Variants in DNAH14 observed in about 807,000 individuals in gnomAD.
The protein encoded by DNAH14 is dynein axonemal heavy chain 14, also known as axonemal beta dynein heavy chain 14.
A neutral mutation model predicts 520.9 loss-of-function variants in DNAH14; 478 were observed. The observed-to-expected ratio is 0.92, with a 90% CI of 0.85 to 0.99. The LOEUF (loss-of-function observed/expected upper bound fraction) is 0.99. DNAH14 is among the 50% of genes least tolerant of loss of function. The pLI, the probability that DNAH14 is intolerant of heterozygous loss-of-function variation, is 0.00. For missense variants in DNAH14, 4,831 were observed against 5,234.5 expected (o/e 0.92, Z 2.38); for synonymous variants, 1,581 against 1,757.2 (o/e 0.90, Z 2.51).
chr1:225,358,984 G>A (rs1327335297), intron 74 of DNAH14, among the ~76,000 whole-genome samples: 2 of 152,200 alleles, frequency 1.3e-5, no homozygotes, highest in African/African-American at 2.4e-5. Flanking sequence ...AGAACTGCGA[G>A]CGAATTAAAC....
chr1:225,335,435 A>G (rs199997690), intron 66 of DNAH14, among the ~76,000 whole-genome samples: 7 of 87,480 alleles, frequency 8.0e-5, no homozygotes, highest in East Asian at 1.1e-3. Flanking sequence ...ACGTGTGTAC[A>G]TGTGTGTGTA....
chr1:225,398,614 T>C lies in DNAH14; in HGVS notation c.13586T>C (p.Leu4529Pro), dbSNP rs1238462406. 1.9e-6 allele frequency: 3 copies of C among 1,551,672 alleles called. No homozygotes were observed. The highest frequency in any genetic ancestry group is 2.6e-6 in the Non-Finnish European group (3 of 1,147,016). The change falls in exon 85 of 86, where the codon CTG becomes CCG. Residue 4529 changes from leucine to proline, a missense_variant. Leu to Pro is a moderately conservative substitution (Grantham distance 98). Coordinates refer to ENST00000682510, the MANE Select transcript of DNAH14 (RefSeq NM_001367479.1). ...NREQKILEDS[L>P]PLEMCCDFPD... ...GAACAGAAAATACTGGAAGACTCGC[T>C]GCCTCTGGAGATGTGCTGTGATTTT...
chr1:225,030,255 G>T (rs189046805), intron 11 of DNAH14, among the ~76,000 whole-genome samples: 49 of 151,882 alleles, frequency 3.2e-4, no homozygotes, highest in African/African-American at 1.2e-3. Flanking sequence ...GGCAGCAAAG[G>T]CAGTGCTTAG....
intron 27 of DNAH14, among the ~76,000 whole-genome samples, chr1:225,130,792 C>T (rs1322352109): frequency 6.7e-6 from 1 of 148,324 alleles, no homozygotes; most frequent in Non-Finnish European, 1.5e-5. Context: ...GCACATTGTG[C>T]ACATGTACCC....
At chr1:225,250,695 A>G in intron 43 of DNAH14, 1 of 552,538 alleles carries the variant, frequency 1.8e-6, no homozygotes. Flanking sequence ...AGACGGAGAA[A>G]GGGGAACTGT....
intron 17 of DNAH14, among the ~76,000 whole-genome samples, chr1:225,058,976 GT>G (rs1252467725): frequency 1.3e-5 from 2 of 152,158 alleles, no homozygotes; most frequent in Non-Finnish European, 2.9e-5. Flanking sequence ...TTGAATAGGT[GT>G]GGTGCTGAGA....
chr1:224,999,739 T>A (rs1474492316), intron 8 of DNAH14, among the ~76,000 whole-genome samples: 1 of 152,094 alleles, frequency 6.6e-6, no homozygotes, highest in East Asian at 1.9e-4. Flanking sequence ...TTGTGTAGCT[T>A]TTTTAGTGGT....
intron 72 of DNAH14, among the ~76,000 whole-genome samples, chr1:225,352,314 C>T (rs77126547): frequency 0.041 from 6,276 of 152,138 alleles, 186 homozygotes; most frequent in Middle Eastern, 0.075. Flanking sequence ...CTCCGTTTTT[C>T]GCTACTACCT....
chr1:225,301,596 G>A (rs1407584300), intron 56 of DNAH14, among the ~76,000 whole-genome samples: 2 of 152,176 alleles, frequency 1.3e-5, no homozygotes, highest in African/African-American at 4.8e-5. Context: ...TTTGAGACAT[G>A]ATGACCGACC....
At chr1:225,160,757 T>C (rs1377902099) in intron 35 of DNAH14, among the ~76,000 whole-genome samples, 1 of 152,144 alleles carries the variant, frequency 6.6e-6, no homozygotes, top group Non-Finnish European at 1.5e-5. Flanking sequence ...CTAATTTGTG[T>C]CTTCTTCCTT....
rs539481844 is a variant in DNAH14 at position 225,346,010 on chromosome 1, A to G, written c.10727A>G (p.Lys3576Arg). 126 of 1,551,530 alleles carry G rather than the reference A, an allele frequency of 8.1e-5. No homozygotes were observed. The African/African-American group carries it at 1.0e-3, about 12-fold the overall frequency. Residue 3576 changes from lysine (K) to arginine (R), a missense_variant, in exon 70 of 86, where the codon AAA becomes AGA. Coordinates refer to ENST00000682510, the MANE Select transcript of DNAH14 (RefSeq NM_001367479.1). The stretch of plus-strand genomic sequence containing the variant: ...ATTGTAGATACCTTAAGAAAATCCA[A>G]AATGACATCAAACGAAATTTCAAAG... ...DKIVDTLRKSKMTSNEISKRI... is the reference protein window; with the variant it reads ...DKIVDTLRKSRMTSNEISKRI...
intron 17 of DNAH14, among the ~76,000 whole-genome samples, chr1:225,063,373 AG>A (rs1415875755): frequency 2.0e-5 from 3 of 152,146 alleles, no homozygotes; most frequent in Admixed American, 1.3e-4. Context: ...TTTATATGGT[AG>A]GTTTTTACTT....
chr1:224,929,660 C>G (rs1174615527), upstream of DNAH14: 2 of 702,452 alleles, frequency 2.8e-6, no homozygotes, highest in Non-Finnish European at 2.6e-6. Context: ...CGCCAGGGCG[C>G]AGGCGTGGCT....
rs112436376 is a variant in DNAH14 at position 225,086,491 on chromosome 1, T to C, written c.3573+702T>C. Among the ~76,000 whole-genome samples the C allele has an allele frequency of 3.9e-3, 587 of 152,058 alleles. 5 individuals are homozygous for C. The highest frequency in any genetic ancestry group is 0.013 in the African/African-American group (556 of 41,476). On this transcript the variant is annotated intron_variant, in intron 21 of 85. Coordinates refer to ENST00000682510, the MANE Select transcript of DNAH14 (RefSeq NM_001367479.1). ...AACATGACATGTGATAATATAGAGA[T>C]AGTAAGTAGCAAAATTAACATAATC...
chr1:225,381,631 C>A, intron 81 of DNAH14, 52 bp downstream of exon 81: 1 of 1,351,886 alleles, frequency 7.4e-7, no homozygotes, highest in Non-Finnish European at 1.0e-6. Flanking sequence ...AATAAATGTC[C>A]AAGTTCAAGG....
At chr1:225,396,716 T>A (rs1188596841) in intron 84 of DNAH14, 1 of 152,220 alleles carries the variant, frequency 6.6e-6, no homozygotes, top group Non-Finnish European at 1.5e-5. Context: ...TGAGTTGAAG[T>A]AAGATTACTT....
chr1:225,227,610 A>T (rs2090664975), intron 41 of DNAH14, among the ~76,000 whole-genome samples: 1 of 152,066 alleles, frequency 6.6e-6, no homozygotes, highest in Non-Finnish European at 1.5e-5. Flanking sequence ...GGGTTACCAT[A>T]CTGATGTCCA....
chr1:225,310,077 AAAT>A (rs1410775881), intron 60 of DNAH14, among the ~76,000 whole-genome samples: 3 of 151,212 alleles, frequency 2.0e-5, no homozygotes, highest in African/African-American at 7.3e-5. Context: ...ATAAATAAAT[AAAT>A]AAGAGTACGG....
chr1:225,162,505 C>T (rs1176978628), intron 35 of DNAH14, among the ~76,000 whole-genome samples: 4 of 152,080 alleles, frequency 2.6e-5, no homozygotes, highest in Non-Finnish European at 5.9e-5. Context: ...TTCAGGATAG[C>T]TTTGGCTATT....
Sources: allele counts gnomAD v4.1 joint callset (sites outside exome capture counted in the v4.1 genomes callset), GRCh38; gene constraint gnomAD v4.1.1; transcripts MANE v1.5; gene names NCBI Gene and HGNC (gene_info 2026-07-23, HGNC 2026-07-21).